Variants in FAM20B observed in about 807,000 individuals in gnomAD.
The protein encoded by FAM20B is FAM20B glycosaminoglycan xylosylkinase, also known as glycosaminoglycan xylosylkinase.
In FAM20B, 23 loss-of-function variants were observed where a neutral mutation model predicts 43.8. The ratio of observed to expected loss-of-function variants is 0.53; its 90% CI spans 0.38 to 0.74. FAM20B has a LOEUF of 0.74. FAM20B is among the 30% of genes least tolerant of loss of function. The pLI is 0.00. For synonymous variants in FAM20B, 178 were observed against 192.4 expected (o/e 0.93, Z 0.62); for missense variants, 440 against 510.5 (o/e 0.86, Z 1.33).
In FAM20B at chr1:179,044,234, G is replaced by A. The variant is rs765263772; in HGVS notation, c.377+10G>A. The A allele has an allele frequency of 1.3e-6, 2 of 1,588,110 alleles. No homozygotes were observed. The highest frequency in any genetic ancestry group is 2.3e-5 in the South Asian group (2 of 88,658). On this transcript the variant is annotated intron_variant, in intron 2 of 7. Transcript: ENST00000263733. ...TTTTCAAACCTAAGCGGTAAGTTTT[G>A]ATCTTGGAAGCTGCATGTGCTAGTT...
upstream of FAM20B, among the ~76,000 whole-genome samples, chr1:179,024,700 G>A (rs1196141054): frequency 6.6e-6 from 1 of 152,240 alleles, no homozygotes; most frequent in Non-Finnish European, 1.5e-5. Context: ...TCCGGAGCAA[G>A]TGTCAAGCCC....
At position 179,044,024 on chromosome 1, in the gene FAM20B, C is replaced by T. The variant is rs1650656879; in HGVS notation, c.177C>T (p.Thr59=). 1 of 1,614,032 alleles carries T rather than the reference C, an allele frequency of 6.2e-7. No homozygotes were observed. Among genetic ancestry groups the T allele is most frequent in the Non-Finnish European group, 8.5e-7 (1 of 1,180,024 alleles). ...RVELAPKLDH[T]LQSPWEIAAQ... ...AGCTGGCACCCAAGCTGGACCATAC[C>T]TTGCAGTCTCCCTGGGAGATTGCAG... Residue 59 remains threonine (T), a synonymous_variant, in exon 2 of 8, where the codon ACC becomes ACT. Transcript: ENST00000263733.
upstream of FAM20B, among the ~76,000 whole-genome samples, chr1:179,024,328 T>A (rs922973818): frequency 6.6e-6 from 1 of 152,194 alleles, no homozygotes; most frequent in Non-Finnish European, 1.5e-5. Flanking sequence ...ACAGTGACAG[T>A]TGGAGCGTTC....
In FAM20B at chr1:179,073,690, A is replaced by G. The variant is rs907562464; in HGVS notation, c.*1546A>G. ...AGGAAGAGCCTTAAGATTTTGATTTATGTCAAATCCTAATTCTATCATTCA... is the reference window on the plus strand; with the variant it reads ...AGGAAGAGCCTTAAGATTTTGATTTGTGTCAAATCCTAATTCTATCATTCA... On this transcript the variant is annotated 3_prime_UTR_variant, in exon 8 of 8. Transcript: ENST00000263733. 3.6e-4 allele frequency: 55 copies of G among 152,300 alleles called. No individual in the cohort carries two copies. The highest frequency in any genetic ancestry group is 1.1e-3 in the African/African-American group (47 of 41,558). The allele number at this position is 152,300 out of a possible 1,614,324, so 9.4% of individuals were successfully genotyped here. A position where few individuals can be genotyped will look rare whatever the true frequency, so the allele number is the denominator to read the frequency against.
At chr1:179,026,419 G>A (rs1345364541) in intron 1 of FAM20B, among the ~76,000 whole-genome samples, 1 of 152,080 alleles carries the variant, frequency 6.6e-6, no homozygotes, top group Non-Finnish European at 1.5e-5. Flanking sequence ...GGCCCACCTG[G>A]GGCCGCCTCA....
chr1:179,054,610 G>A lies in FAM20B; in HGVS notation c.546G>A (p.Glu182=), dbSNP rs1294916730. Reference sequence around the variant, plus strand: ...CAGAGATCAAACCTGTCGCCACAGAGCAGCTGTTGAGCACCTTCCTAACTG... The same window carrying A: ...CAGAGATCAAACCTGTCGCCACAGAACAGCTGTTGAGCACCTTCCTAACTG... ...LRTEIKPVAT[E]QLLSTFLTVG... is the part of the protein sequence containing the mutation. Residue 182 remains glutamate (E), a synonymous_variant, in exon 4 of 8, where the codon GAG becomes GAA. Transcript: ENST00000263733. The A allele has an allele frequency of 1.9e-6, 3 of 1,611,784 alleles. No homozygotes were observed. In the African/African-American group the frequency reaches 4.0e-5, roughly 22 times the overall value.
At chr1:179,035,601 C>A in intron 1 of FAM20B, 2 of 530,518 alleles carry the variant, frequency 3.8e-6, no homozygotes, top group South Asian at 3.8e-5. Context: ...AATGGCTGCA[C>A]GTAACTGTGG....
At chr1:179,018,341 C>G in the FAM20B span, among the ~76,000 whole-genome samples, 1 of 152,158 alleles carries the variant, frequency 6.6e-6, no homozygotes, top group African/African-American at 2.4e-5. Context: ...GAGTTTCACT[C>G]TGTCGCCCAG....
Position 179,027,910 on chromosome 1 carries a change from A to G in FAM20B, c.-134+1812A>G, listed in dbSNP as rs1649855473. Among the ~76,000 whole-genome samples, 5 of 152,296 alleles carry G rather than the reference A, an allele frequency of 3.3e-5. No homozygotes were observed. In the South Asian group the frequency reaches 1.0e-3, roughly 32 times the overall value. ...CATCTTTATTTTTATAATCTTTTAT[A>G]TCATGGAAGTATTTTATGTTAAATT... On this transcript the variant is annotated intron_variant, in intron 1 of 7. Coordinates refer to ENST00000263733, the MANE Select transcript of FAM20B (RefSeq NM_014864.4).
chr1:179,071,152 C>T (rs1485644558), intron 7 of FAM20B, among the ~76,000 whole-genome samples: 4 of 151,782 alleles, frequency 2.6e-5, no homozygotes, highest in Non-Finnish European at 5.9e-5. Context: ...AAAAATTAGC[C>T]GGGCGTGGTG....
intron 4 of FAM20B, among the ~76,000 whole-genome samples, chr1:179,056,661 G>A (rs189209053): frequency 0.011 from 1,735 of 152,300 alleles, 22 homozygotes; most frequent in Non-Finnish European, 0.02. Flanking sequence ...ATACCAAGGA[G>A]TGTGATTTCT....
chr1:179,035,497 T>C (rs1419059209), intron 1 of FAM20B: 1 of 684,532 alleles, frequency 1.5e-6, no homozygotes, highest in African/African-American at 1.8e-5. Context: ...GCTTCAGAAA[T>C]GTCCCTGACT....
rs765384461 is a variant in FAM20B at position 179,032,620 on chromosome 1, C to CT, written c.-134+6524dup. ...CTTTTAACCCCTCTGCTACAGAAAGCTTATATTTAAAATAAGAAGGTGAAT... is the reference window on the plus strand; with the variant it reads ...CTTTTAACCCCTCTGCTACAGAAAGCTTTATATTTAAAATAAGAAGGTGAAT... On this transcript the variant is annotated intron_variant, in intron 1 of 7. Coordinates refer to ENST00000263733, the MANE Select transcript of FAM20B (RefSeq NM_014864.4). Among the ~76,000 whole-genome samples the CT allele has an allele frequency of 2.0e-4, 31 of 152,094 alleles. No homozygotes were observed. In the East Asian group the frequency reaches 6.0e-3, roughly 29 times the overall value.
At chr1:179,023,176 G>T (rs1459038758), upstream of FAM20B, among the ~76,000 whole-genome samples, 1 of 152,194 alleles carries the variant, frequency 6.6e-6, no homozygotes, top group Non-Finnish European at 1.5e-5. Flanking sequence ...CAAGATTGGG[G>T]TTCCACATTG....
chr1:179,041,012 C>T (rs1250722145), intron 1 of FAM20B, among the ~76,000 whole-genome samples: 3 of 142,122 alleles, frequency 2.1e-5, no homozygotes, highest in East Asian at 2.2e-4. Context: ...ACATCTCAGA[C>T]GATGGGCAGC....
chr1:179,020,289 C>T, the FAM20B span, among the ~76,000 whole-genome samples: 10,254 of 152,240 alleles, frequency 0.067, 393 homozygotes, highest in South Asian at 0.087. Flanking sequence ...GCCTGCTTTG[C>T]TCATTTCCCT....
At chr1:179,028,312 G>T (rs919333999) in intron 1 of FAM20B, among the ~76,000 whole-genome samples, 4 of 152,212 alleles carry the variant, frequency 2.6e-5, no homozygotes, top group African/African-American at 9.6e-5. Flanking sequence ...GGTCGGGCGC[G>T]GTGGCTTATG....
chr1:179,054,611 C>T lies in FAM20B; in HGVS notation c.547C>T (p.Gln183Ter). The T allele has an allele frequency of 1.2e-6, 2 of 1,611,220 alleles. No individual in the cohort carries two copies. Among genetic ancestry groups the T allele is most frequent in the Non-Finnish European group, 1.7e-6 (2 of 1,177,794 alleles). The change falls in exon 4 of 8, where the codon CAG (glutamine) becomes TAG (stop). Residue 183 changes from glutamine (Q) to a stop codon, truncating the protein, a stop_gained. Transcript: ENST00000263733. LOFTEE classifies it high-confidence loss of function. The part of the protein sequence containing the change: ...RTEIKPVATE[Q>*]LLSTFLTVGN... Reference sequence around the variant, plus strand: ...AGAGATCAAACCTGTCGCCACAGAGCAGCTGTTGAGCACCTTCCTAACTGT... The same window carrying T: ...AGAGATCAAACCTGTCGCCACAGAGTAGCTGTTGAGCACCTTCCTAACTGT...
intron 1 of FAM20B, among the ~76,000 whole-genome samples, chr1:179,034,514 T>C (rs903462332): frequency 1.3e-5 from 2 of 152,128 alleles, no homozygotes; most frequent in African/African-American, 2.4e-5. Context: ...GGATTACAGG[T>C]GTAAACCAGC....
Sources: gnomAD v4.1 joint callset for allele counts (sites outside exome capture counted in the v4.1 genomes callset) on GRCh38, gnomAD v4.1.1 for gene constraint, MANE v1.5 for transcripts, NCBI Gene and HGNC (gene_info 2026-07-23, HGNC 2026-07-21) for gene names.